Variants in ZNF146 observed in about 807,000 individuals in gnomAD.
ZNF146 encodes zinc finger protein 146, also known as zinc finger protein OZF.
A neutral mutation model predicts 22.2 loss-of-function variants in ZNF146; 9 were observed. The observed-to-expected ratio is 0.41, with a 90% CI of 0.24 to 0.71. The LOEUF (loss-of-function observed/expected upper bound fraction) is 0.71, where lower values mean the gene tolerates loss of function less well. ZNF146 is among the 30% of genes least tolerant of loss of function. The pLI is 0.34. For missense variants in ZNF146, 194 were observed against 344.8 expected (o/e 0.56, Z 3.46); for synonymous variants, 108 against 119.2 (o/e 0.91, Z 0.61).
intron 3 of ZNF146, among the ~76,000 whole-genome samples, chr19:36,235,407 T>TG (rs1370669571): frequency 6.6e-6 from 1 of 152,192 alleles, no homozygotes; most frequent in African/African-American, 2.4e-5. Context: ...ATTTTCTACC[T>TG]AGATCACCTC....
chr19:36,233,610 A>C (rs200266017), intron 3 of ZNF146, among the ~76,000 whole-genome samples: 1 of 151,944 alleles, frequency 6.6e-6, no homozygotes, highest in Non-Finnish European at 1.5e-5. Flanking sequence ...AGTGGAGAGA[A>C]GGTCAGCAGG....
At chr19:36,222,451 A>C (rs573788474) in intron 2 of ZNF146, among the ~76,000 whole-genome samples, 1 of 152,312 alleles carries the variant, frequency 6.6e-6, no homozygotes, top group East Asian at 1.9e-4. Flanking sequence ...GACTGCTATT[A>C]ATACAAATGG....
intron 2 of ZNF146, among the ~76,000 whole-genome samples, chr19:36,226,570 A>T (rs910909468): frequency 2.0e-5 from 3 of 152,100 alleles, no homozygotes; most frequent in Non-Finnish European, 4.4e-5. Context: ...CCAAATGTGT[A>T]TGATTTTTTT....
chr19:36,237,911 A>T lies in ZNF146; in HGVS notation c.*592A>T, dbSNP rs1977704387. On this transcript the variant is annotated 3_prime_UTR_variant, in exon 4 of 4. Coordinates refer to ENST00000443387, the MANE Select transcript of ZNF146 (RefSeq NM_007145.3). ...CACAAAAGTGAATCCAGAGATTAAA[A>T]ACAGAAATATGGAAAAGCTATGTAC... is the stretch of plus-strand genomic sequence containing the variant. The T allele has an allele frequency of 6.0e-6, 1 of 167,018 alleles. No homozygotes were observed. The highest frequency in any genetic ancestry group is 1.5e-5 in the Non-Finnish European group (1 of 68,134). The allele number at this position is 167,018 out of a possible 1,614,324, so 10.3% of individuals were successfully genotyped here.
intron 2 of ZNF146, among the ~76,000 whole-genome samples, chr19:36,223,348 A>AC (rs1014141588): frequency 1.3e-5 from 2 of 151,870 alleles, no homozygotes; most frequent in African/African-American, 4.8e-5. Flanking sequence ...GTCTCAAAAA[A>AC]AAAAAAAAAT....
chr19:36,232,047 A>G (rs180899681), intron 3 of ZNF146, among the ~76,000 whole-genome samples: 104 of 152,230 alleles, frequency 6.8e-4, no homozygotes, highest in Admixed American at 5.0e-3. Context: ...TATTAAAAAT[A>G]CAAAAACTAG....
chr19:36,233,693 C>A (rs1419196047), intron 3 of ZNF146, among the ~76,000 whole-genome samples: 3 of 152,204 alleles, frequency 2.0e-5, no homozygotes, highest in East Asian at 3.8e-4. Context: ...TGTGCATATA[C>A]ATAAACATCT....
rs188251780 is a variant in ZNF146 at position 36,227,624 on chromosome 19, T to C, written c.-854-1124T>C. Among the ~76,000 whole-genome samples, 365 of 152,220 alleles carry C rather than the reference T, an allele frequency of 2.4e-3. 1 individual carries two copies. Among genetic ancestry groups the C allele is most frequent in the Non-Finnish European group, 3.6e-3 (247 of 67,996 alleles). Reference sequence around the variant, plus strand: ...TTTCTTTTTTATGACAAGGTCTCACTCTGTCAGGCCATCTTGAACTCCTGG... The same window carrying C: ...TTTCTTTTTTATGACAAGGTCTCACCCTGTCAGGCCATCTTGAACTCCTGG... On this transcript the variant is annotated intron_variant, in intron 2 of 3. Transcript: ENST00000443387.
intron 1 of ZNF146, among the ~76,000 whole-genome samples, chr19:36,215,408 G>T (rs2145380141): frequency 6.6e-6 from 1 of 152,230 alleles, no homozygotes; most frequent in Middle Eastern, 3.4e-3. Flanking sequence ...TTGAGTGAAT[G>T]TGAAACTGGG....
intron 3 of ZNF146, among the ~76,000 whole-genome samples, chr19:36,235,452 C>T (rs1281120087): frequency 2.0e-5 from 3 of 152,076 alleles, no homozygotes; most frequent in Admixed American, 6.6e-5. Flanking sequence ...TAGTTGGAAG[C>T]ATTAATAATA....
intron 2 of ZNF146, among the ~76,000 whole-genome samples, chr19:36,222,848 T>A (rs1195686862): frequency 6.8e-6 from 1 of 148,008 alleles, no homozygotes; most frequent in African/African-American, 2.4e-5. Context: ...CTTTTTTTTT[T>A]AATCTTGCAG....
chr19:36,230,039 C>G (rs1292057198), intron 3 of ZNF146, among the ~76,000 whole-genome samples: 2 of 152,144 alleles, frequency 1.3e-5, no homozygotes, highest in Non-Finnish European at 1.5e-5. Flanking sequence ...TTTAACCTGT[C>G]TCCTACTAAT....
rs752632008 is a variant in ZNF146, at chr19:36,217,055, C to CTTTTTTTT, written c.-928-1049_-928-1042dup. ...AGCTTGGTGGACAGCCAGTCCCTGT[C>CTTTTTTTT]TTTTTTTTTTTTTTTTTTTTTTTTT... On this transcript the variant is annotated intron_variant, in intron 1 of 3. Transcript: ENST00000443387. 4.5e-3 allele frequency among the ~76,000 whole-genome samples: 299 copies of CTTTTTTTT among 65,872 alleles called. 18 individuals are homozygous for CTTTTTTTT. The highest frequency in any genetic ancestry group is 5.3e-3 in the Non-Finnish European group (202 of 38,198). The allele number at this position is 65,872 out of a possible 152,430, so 43.2% of individuals were successfully genotyped here.
chr19:36,220,797 A>G (rs935416402), intron 2 of ZNF146, among the ~76,000 whole-genome samples: 78 of 152,188 alleles, frequency 5.1e-4, no homozygotes, highest in African/African-American at 1.8e-3. Context: ...AACATACTGT[A>G]TCATGTTAAA....
rs1977734074 is a variant in ZNF146, at chr19:36,238,635, G to A, written c.*1316G>A. 6.0e-6 allele frequency: 1 copy of A among 166,968 alleles called. No individual in the cohort carries two copies. The allele number at this position is 166,968 out of a possible 1,614,324, so 10.3% of individuals were successfully genotyped here. On this transcript the variant is annotated 3_prime_UTR_variant, in exon 4 of 4. Transcript: ENST00000443387. ...TATCTGTGGAAGTCATGTTATACTG[G>A]ATTCATTTCCAATTAAATACTAAAC...
chr19:36,229,083 G>A (rs1977206556), intron 3 of ZNF146, among the ~76,000 whole-genome samples: 1 of 152,172 alleles, frequency 6.6e-6, no homozygotes, highest in East Asian at 1.9e-4. Context: ...CACTGTGGTG[G>A]CTGTTCTCCT....
At chr19:36,233,473 C>T (rs886753535) in intron 3 of ZNF146, among the ~76,000 whole-genome samples, 2 of 151,848 alleles carry the variant, frequency 1.3e-5, no homozygotes, top group African/African-American at 4.8e-5. Flanking sequence ...CCCAGGGGAC[C>T]GGCGTTAGGG....
Position 36,237,289 on chromosome 19 carries a change from C to T in ZNF146, c.849C>T (p.His283=), listed in dbSNP as rs773701823. 1 of 1,609,194 alleles carries T rather than the reference C, an allele frequency of 6.2e-7. No individual in the cohort carries two copies. The highest frequency in any genetic ancestry group is 8.5e-7 in the Non-Finnish European group (1 of 1,177,616). Residue 283 remains histidine, a synonymous_variant, in exon 4 of 4, where the codon CAC becomes CAT. Coordinates refer to ENST00000443387, the MANE Select transcript of ZNF146 (RefSeq NM_007145.3). ...CGKAFSQKSH[H]IRHQKIHTH ...AAGCTTTCAGCCAGAAGTCACACCA[C>T]ATTAGACACCAGAAAATTCATACTC... is the stretch of plus-strand genomic sequence containing the variant.
Position 36,229,844 on chromosome 19 carries a change from C to T in ZNF146, c.-783+1025C>T, listed in dbSNP as rs533671678. ...AAGTGATTCTTGTGCCTCAGGCTCC[C>T]GAGTAGCTGGGATTACAGGCATGTG... On this transcript the variant is annotated intron_variant, in intron 3 of 3. Coordinates refer to ENST00000443387, the MANE Select transcript of ZNF146 (RefSeq NM_007145.3). Among the ~76,000 whole-genome samples the T allele has an allele frequency of 4.6e-5, 7 of 152,246 alleles. No homozygotes were observed. In the East Asian group the frequency reaches 1.2e-3, roughly 25 times the overall value.
Sources: gnomAD v4.1 joint callset for allele counts (sites outside exome capture counted in the v4.1 genomes callset) on GRCh38, gnomAD v4.1.1 for gene constraint, MANE v1.5 for transcripts, NCBI Gene and HGNC (gene_info 2026-07-23, HGNC 2026-07-21) for gene names.